Variants in TRIM2 observed in about 807,000 individuals in gnomAD.
TRIM2 encodes tripartite motif-containing protein 2.
TRIM2 carries 20 observed loss-of-function variants against 75.2 expected under a neutral mutation model. That is an observed-to-expected ratio of 0.27 (90% CI 0.19 to 0.39). The LOEUF (loss-of-function observed/expected upper bound fraction) is 0.39, where lower values mean the gene tolerates loss of function less well. Ranked by LOEUF, TRIM2 falls within the 10% of genes least tolerant of loss-of-function variation. The pLI is 1.00. For synonymous variants in TRIM2, 373 were observed against 388.3 expected (o/e 0.96, Z 0.46); for missense variants, 660 against 990.8 (o/e 0.67, Z 4.48).
chr4:153,230,198 A>G (rs1477149274), intron 1 of TRIM2, among the ~76,000 whole-genome samples: 1 of 151,458 alleles, frequency 6.6e-6, no homozygotes, highest in Non-Finnish European at 1.5e-5. Context: ...TTTTTTTTTA[A>G]GAGACAAGGT....
chr4:153,155,124 G>A (rs375525895), intron 1 of TRIM2, among the ~76,000 whole-genome samples: 16 of 151,988 alleles, frequency 1.1e-4, no homozygotes, highest in African/African-American at 3.4e-4. Context: ...TGGGCAACAG[G>A]GTGAGACTCC....
intron 1 of TRIM2, among the ~76,000 whole-genome samples, chr4:153,264,641 T>C (rs375153927): frequency 3.0e-4 from 45 of 152,352 alleles, no homozygotes; most frequent in East Asian, 2.9e-3. Flanking sequence ...CCCAACGCTT[T>C]GATTGAAGGC....
chr4:153,280,553 T>A (rs1759088649), intron 3 of TRIM2, among the ~76,000 whole-genome samples: 2 of 152,016 alleles, frequency 1.3e-5, no homozygotes, highest in Non-Finnish European at 2.9e-5. Flanking sequence ...CCTGGCTAAT[T>A]CTTTAAGTTT....
intron 6 of TRIM2, chr4:153,307,727 A>G (rs548139511): frequency 8.3e-6 from 5 of 605,454 alleles, no homozygotes; most frequent in Non-Finnish European, 1.3e-5. Context: ...AAGCATGGGG[A>G]GCACCATTTC....
intron 1 of TRIM2, among the ~76,000 whole-genome samples, chr4:153,244,429 CTTCTTCTTT>C (rs1748456603): frequency 1.0e-5 from 1 of 96,034 alleles, no homozygotes. Flanking sequence ...TCTTCTTCTT[CTTCTTCTTT>C]TAATTAGAGA....
At chr4:153,287,995 G>T (rs565595903) in intron 3 of TRIM2, among the ~76,000 whole-genome samples, 1 of 152,030 alleles carries the variant, frequency 6.6e-6, no homozygotes, top group South Asian at 2.1e-4. Context: ...TGTATTTCTG[G>T]TAATGTGTTA....
intron 1 of TRIM2, among the ~76,000 whole-genome samples, chr4:153,164,816 G>C (rs1475489359): frequency 6.6e-6 from 1 of 152,030 alleles, no homozygotes; most frequent in Non-Finnish European, 1.5e-5. Flanking sequence ...TACAAGTCTT[G>C]ATTACGTCTG....
At chr4:153,251,440 ATTAC>A (rs1363541433) in intron 1 of TRIM2, among the ~76,000 whole-genome samples, 3 of 152,252 alleles carry the variant, frequency 2.0e-5, no homozygotes, top group Admixed American at 6.5e-5. Flanking sequence ...GCTGGAAATA[ATTAC>A]TTCTTACCAT....
At chr4:153,191,850 A>G (rs1257099497) in intron 1 of TRIM2, among the ~76,000 whole-genome samples, 2 of 152,156 alleles carry the variant, frequency 1.3e-5, no homozygotes, top group Non-Finnish European at 2.9e-5. Flanking sequence ...AAACATCCCT[A>G]AAGTCATCGT....
At chr4:153,307,612 G>A (rs1765297989) in intron 6 of TRIM2, among the ~76,000 whole-genome samples, 1 of 152,142 alleles carries the variant, frequency 6.6e-6, no homozygotes, top group Admixed American at 6.5e-5. Context: ...GCCAGGCAAT[G>A]CTTAGGCAAC....
At chr4:153,180,462 G>A (rs970422902) in intron 1 of TRIM2, among the ~76,000 whole-genome samples, 3 of 152,202 alleles carry the variant, frequency 2.0e-5, no homozygotes, top group African/African-American at 2.4e-5. Flanking sequence ...TGAAAGGCAC[G>A]TTTTCCCAGT....
chr4:153,233,763 C>T (rs563244517), intron 1 of TRIM2, among the ~76,000 whole-genome samples: 1 of 152,142 alleles, frequency 6.6e-6, no homozygotes, highest in African/African-American at 2.4e-5. Flanking sequence ...AGGATGGATG[C>T]ATACATTCAG....
At chr4:153,167,488 A>G (rs1730433807) in intron 1 of TRIM2, among the ~76,000 whole-genome samples, 1 of 152,250 alleles carries the variant, frequency 6.6e-6, no homozygotes, top group Non-Finnish European at 1.5e-5. Flanking sequence ...TTTATATTAC[A>G]AAAAGATCAA....
chr4:153,260,109 T>C (rs1753023977), intron 1 of TRIM2, among the ~76,000 whole-genome samples: 1 of 152,198 alleles, frequency 6.6e-6, no homozygotes, highest in Admixed American at 6.6e-5. Context: ...GCTGTGTCTC[T>C]TAGTTCTGTT....
At chr4:153,270,043 C>T (rs1756257461) in intron 1 of TRIM2, among the ~76,000 whole-genome samples, 1 of 152,144 alleles carries the variant, frequency 6.6e-6, no homozygotes, top group Non-Finnish European at 1.5e-5. Flanking sequence ...ATTCTCCTGC[C>T]TCAGCCTCCT....
chr4:153,153,134 T>A (rs979785837), exon 1 of TRIM2: 1 of 152,230 alleles, frequency 6.6e-6, no homozygotes, highest in Non-Finnish European at 1.5e-5. Context: ...TTGAGTGAGC[T>A]TGCAGAAAAT....
chr4:153,173,269 G>A (rs1560784922), intron 1 of TRIM2, among the ~76,000 whole-genome samples: 1 of 152,176 alleles, frequency 6.6e-6, no homozygotes, highest in Non-Finnish European at 1.5e-5. Flanking sequence ...GCTCACGCCT[G>A]TAATCCCAAC....
At chr4:153,262,993 A>G (rs1753954971) in intron 1 of TRIM2, among the ~76,000 whole-genome samples, 1 of 152,150 alleles carries the variant, frequency 6.6e-6, no homozygotes, top group African/African-American at 2.4e-5. Context: ...TATGTCACTA[A>G]TGTTTACCCT....
intron 6 of TRIM2, 127 bp downstream of exon 6, chr4:153,296,163 C>A: frequency 2.5e-6 from 3 of 1,223,736 alleles, no homozygotes; most frequent in Non-Finnish European, 3.2e-6. Flanking sequence ...AGATGTACTG[C>A]TATAAAATTT....
Sources: allele counts gnomAD v4.1 joint callset (sites outside exome capture counted in the v4.1 genomes callset), GRCh38; gene constraint gnomAD v4.1.1; transcripts MANE v1.5; gene names NCBI Gene and HGNC (gene_info 2026-07-23, HGNC 2026-07-21).